The following INPP4B variants were observed in gnomAD, a reference collection of about 807,000 sequenced individuals.
INPP4B encodes the protein inositol polyphosphate 4-phosphatase type II.
Under a neutral mutation model 122.5 loss-of-function variants are expected in INPP4B, and 55 were observed. The observed-to-expected ratio is 0.45, with a 90% CI of 0.36 to 0.56. The LOEUF (loss-of-function observed/expected upper bound fraction) is 0.56, where lower values mean the gene tolerates loss of function less well. Among genes scored for constraint, INPP4B ranks in the 20% least tolerant of loss-of-function variants. The probability of loss-of-function intolerance (pLI) is 0.00; values close to 1 mark genes in which losing one functional copy is unlikely to be tolerated. For synonymous variants in INPP4B, 403 were observed against 388.7 expected (o/e 1.04, Z -0.43); for missense variants, 1,000 against 1,097.7 (o/e 0.91, Z 1.26).
intron 2 of INPP4B, among the ~76,000 whole-genome samples, chr4:142,520,785 C>T (rs930713831): frequency 6.6e-6 from 1 of 151,812 alleles, no homozygotes; most frequent in African/African-American, 2.4e-5. Flanking sequence ...AATTTCTCCT[C>T]AGATTATTTG....
rs187788876 is a variant in INPP4B at position 142,369,806 on chromosome 4, C to T, written c.372+33132G>A. 5.9e-3 allele frequency among the ~76,000 whole-genome samples: 889 copies of T among 150,958 alleles called. 9 individuals are homozygous for T. Among genetic ancestry groups the T allele is most frequent in the African/African-American group, 0.02 (833 of 41,138 alleles). ...AAATAACAGGTGTGGTGGTGGGTAC[C>T]TGTAATCCCAGCTACTTGGGAGGCT... On this transcript the variant is annotated intron_variant, in intron 7 of 25. Coordinates refer to ENST00000262992, the MANE Select transcript of INPP4B (RefSeq NM_001101669.3).
intron 12 of INPP4B, among the ~76,000 whole-genome samples, chr4:142,226,854 A>T (rs1426210685): frequency 6.6e-6 from 1 of 152,206 alleles, no homozygotes; most frequent in Non-Finnish European, 1.5e-5. Flanking sequence ...ACAAAAGGAC[A>T]TGTTCTACAC....
intron 10 of INPP4B, among the ~76,000 whole-genome samples, chr4:142,262,357 A>G: frequency 6.6e-6 from 1 of 152,096 alleles, no homozygotes; most frequent in East Asian, 1.9e-4. Context: ...TCAACACAAA[A>G]AGCATGCTGC....
chr4:142,350,899 T>C lies in INPP4B; in HGVS notation c.373-36137A>G, dbSNP rs570523070. ...CTCTCAAAACCATGTTTATCCTGACTCTGATGGCTCTATGTTAGGCTCTTC... is the reference window on the plus strand; with the variant it reads ...CTCTCAAAACCATGTTTATCCTGACCCTGATGGCTCTATGTTAGGCTCTTC... On this transcript the variant is annotated intron_variant, in intron 7 of 25. Transcript: ENST00000262992. Among the ~76,000 whole-genome samples the C allele has an allele frequency of 3.2e-4, 48 of 152,096 alleles. 1 individual carries two copies. Among genetic ancestry groups the C allele is most frequent in the South Asian group, 2.3e-3 (11 of 4,820 alleles).
At chr4:142,328,352 C>G (rs952498830) in intron 7 of INPP4B, among the ~76,000 whole-genome samples, 5 of 152,154 alleles carry the variant, frequency 3.3e-5, no homozygotes, top group African/African-American at 1.2e-4. Context: ...GCTGAGAGAT[C>G]GATTTCCTAC....
chr4:142,672,601 ATTTTG>A (rs1255946031), intron 2 of INPP4B, among the ~76,000 whole-genome samples: 1 of 151,900 alleles, frequency 6.6e-6, no homozygotes, highest in African/African-American at 2.4e-5. Flanking sequence ...ATATTCAGTT[ATTTTG>A]TTTTCTTATT....
chr4:142,524,847 T>C (rs1181637818), intron 2 of INPP4B, among the ~76,000 whole-genome samples: 4 of 151,628 alleles, frequency 2.6e-5, no homozygotes, highest in Admixed American at 6.6e-5. Context: ...ATGCCCTCTC[T>C]CACCACTCCT....
intron 2 of INPP4B, among the ~76,000 whole-genome samples, chr4:142,495,898 C>T (rs934038471): frequency 1.3e-5 from 2 of 152,100 alleles, no homozygotes; most frequent in Non-Finnish European, 2.9e-5. Context: ...TAGGTGAATA[C>T]CGAATCCTCA....
intron 1 of INPP4B, among the ~76,000 whole-genome samples, chr4:142,845,323 C>T (rs1581044613): frequency 6.6e-6 from 1 of 152,238 alleles, no homozygotes; most frequent in East Asian, 1.9e-4. Flanking sequence ...GTTCTAGCAT[C>T]CTCATCTTCA....
At chr4:142,114,100 A>C (rs954496107) in intron 21 of INPP4B, among the ~76,000 whole-genome samples, 1 of 152,052 alleles carries the variant, frequency 6.6e-6, no homozygotes, top group Non-Finnish European at 1.5e-5. Flanking sequence ...TTCACCTAGC[A>C]TAATGTTTTT....
chr4:142,054,233 A>G (rs527642268), intron 25 of INPP4B, among the ~76,000 whole-genome samples: 1 of 151,950 alleles, frequency 6.6e-6, no homozygotes, highest in East Asian at 1.9e-4. Flanking sequence ...CAATGCAACA[A>G]TATGCCCAAC....
intron 2 of INPP4B, among the ~76,000 whole-genome samples, chr4:142,638,858 C>A (rs1258062880): frequency 6.6e-6 from 1 of 152,094 alleles, no homozygotes. Context: ...GTTGTCTATT[C>A]TTAATGGAAA....
chr4:142,168,463 T>C (rs748970894), intron 16 of INPP4B, among the ~76,000 whole-genome samples: 2 of 151,606 alleles, frequency 1.3e-5, no homozygotes, highest in African/African-American at 2.4e-5. Flanking sequence ...CAAAGTAAAA[T>C]TACTCAGAAT....
intron 2 of INPP4B, among the ~76,000 whole-genome samples, chr4:142,593,871 T>TACACAC (rs529160360): frequency 6.7e-6 from 1 of 149,648 alleles, no homozygotes; most frequent in Non-Finnish European, 1.5e-5. Flanking sequence ...TCAGCATAAA[T>TACACAC]ACACACACAC....
At chr4:142,288,788 T>C (rs1430159641) in intron 9 of INPP4B, among the ~76,000 whole-genome samples, 1 of 152,208 alleles carries the variant, frequency 6.6e-6, no homozygotes, top group Admixed American at 6.5e-5. Flanking sequence ...TTTTCTCATC[T>C]GTATAATGGG....
rs184660374 is a variant in INPP4B at position 142,663,780 on chromosome 4, T to G, written c.-191+62059A>C. 4.6e-3 allele frequency among the ~76,000 whole-genome samples: 707 copies of G among 152,332 alleles called. 3 individuals are homozygous for G. The highest frequency in any genetic ancestry group is 5.7e-3 in the Non-Finnish European group (389 of 68,016). On this transcript the variant is annotated intron_variant, in intron 2 of 25. Coordinates refer to ENST00000262992, the MANE Select transcript of INPP4B (RefSeq NM_001101669.3). ...AGAATTTCTATAGCAACTGTCACCA[T>G]AGTTTTCTGATTTTCAGACAAATGT... is the stretch of plus-strand genomic sequence containing the variant.
At chr4:142,271,505 C>T (rs894461880) in intron 9 of INPP4B, among the ~76,000 whole-genome samples, 8 of 152,166 alleles carry the variant, frequency 5.3e-5, no homozygotes, top group Admixed American at 5.2e-4. Flanking sequence ...TATAAATATT[C>T]TTATCTTCCT....
intron 7 of INPP4B, among the ~76,000 whole-genome samples, chr4:142,376,817 T>C (rs1792046265): frequency 6.6e-6 from 1 of 152,026 alleles, no homozygotes; most frequent in South Asian, 2.1e-4. Flanking sequence ...ATTACTCAAA[T>C]TCAGTTTCCA....
intron 2 of INPP4B, among the ~76,000 whole-genome samples, chr4:142,677,126 G>T (rs1397239831): frequency 6.6e-6 from 1 of 151,894 alleles, no homozygotes; most frequent in Non-Finnish European, 1.5e-5. Flanking sequence ...AATCTACAAA[G>T]AACTTAAACA....
Sources: allele counts gnomAD v4.1 joint callset (sites outside exome capture counted in the v4.1 genomes callset), GRCh38; gene constraint gnomAD v4.1.1; transcripts MANE v1.5; gene names NCBI Gene and HGNC (gene_info 2026-07-23, HGNC 2026-07-21).